Variants in SLC60A2 observed in about 807,000 individuals in gnomAD.
SLC60A2 encodes solute carrier family 60 member 2, also known as major facilitator superfamily domain containing 4B.
At chr6:111,264,831 C>T in the SLC60A2 span, among the ~76,000 whole-genome samples, 4 of 149,348 alleles carry the variant, frequency 2.7e-5, no homozygotes, top group East Asian at 3.9e-4. Flanking sequence ...GGGTGGCTTA[C>T]GCCTATAATC....
At chr6:111,277,055 G>A in the SLC60A2 span, among the ~76,000 whole-genome samples, 1 of 152,224 alleles carries the variant, frequency 6.6e-6, no homozygotes, top group East Asian at 1.9e-4. Context: ...TTCCCTTTGG[G>A]TTGATGACAT....
chr6:111,277,416 G>A, the SLC60A2 span, among the ~76,000 whole-genome samples: 1 of 152,218 alleles, frequency 6.6e-6, no homozygotes, highest in Non-Finnish European at 1.5e-5. Flanking sequence ...AGGAGTCCCA[G>A]TTTGCAAGAG....
At chr6:111,273,506 T>TG in the SLC60A2 span, among the ~76,000 whole-genome samples, 6,503 of 126,272 alleles carry the variant, frequency 0.051, 224 homozygotes, top group Non-Finnish European at 0.082. Context: ...GTTTTTTTTT[T>TG]TTTTTTTGTT....
the SLC60A2 span, chr6:111,269,996 T>C: frequency 8.2e-6 from 1 of 121,320 alleles, no homozygotes; most frequent in Non-Finnish European, 1.5e-5. Flanking sequence ...CAGGCTGTAC[T>C]GAAGCGGCCT....
At chr6:111,270,156 G>T in the SLC60A2 span, 1 of 152,146 alleles carries the variant, frequency 6.6e-6, no homozygotes, top group Non-Finnish European at 1.5e-5. Context: ...CAACATGGCA[G>T]TTTCTTCAAA....
At chr6:111,265,344 T>G in the SLC60A2 span, 1 of 985,270 alleles carries the variant, frequency 1.0e-6, no homozygotes, top group Non-Finnish European at 1.2e-6. Context: ...TAAATTCAGA[T>G]GCTAAACGGT....
the SLC60A2 span, among the ~76,000 whole-genome samples, chr6:111,261,582 CTTAAT>C: frequency 1.1e-4 from 17 of 152,082 alleles, no homozygotes; most frequent in African/African-American, 3.9e-4. Context: ...CCACACCTGA[CTTAAT>C]TTAATTAATT....
At chr6:111,268,799 C>T in the SLC60A2 span, 1 of 152,228 alleles carries the variant, frequency 6.6e-6, no homozygotes, top group African/African-American at 2.4e-5. Flanking sequence ...TCCAGGGTTT[C>T]TCTTTCCTGA....
chr6:111,263,362 T>C, the SLC60A2 span, among the ~76,000 whole-genome samples: 1 of 152,240 alleles, frequency 6.6e-6, no homozygotes, highest in Non-Finnish European at 1.5e-5. Flanking sequence ...ATCCCTCTTA[T>C]TTCCAAAGTG....
the SLC60A2 span, among the ~76,000 whole-genome samples, chr6:111,277,630 A>G: frequency 1.3e-5 from 2 of 152,258 alleles, no homozygotes; most frequent in African/African-American, 4.8e-5. Context: ...CAAAATTTCT[A>G]TCAGCGGAAG....
chr6:111,271,052 G>C, the SLC60A2 span: 2 of 150,214 alleles, frequency 1.3e-5, no homozygotes, highest in Non-Finnish European at 3.0e-5. Context: ...ACTATTTTAT[G>C]TCCCTTATCA....
At chr6:111,266,210 A>T in the SLC60A2 span, 1 of 1,613,556 alleles carries the variant, frequency 6.2e-7, no homozygotes, top group African/African-American at 1.3e-5. Context: ...AAGCAAGAGC[A>T]TCTGCTGAGA....
At chr6:111,274,714 G>C in the SLC60A2 span, among the ~76,000 whole-genome samples, 1 of 152,082 alleles carries the variant, frequency 6.6e-6, no homozygotes, top group Non-Finnish European at 1.5e-5. Context: ...ATGTTTTCAT[G>C]ATGGTGATTA....
chr6:111,265,743 G>T, the SLC60A2 span: 8 of 708,346 alleles, frequency 1.1e-5, no homozygotes, highest in Admixed American at 6.5e-5. Flanking sequence ...TAGTTGCAAT[G>T]TTTGATAATT....
the SLC60A2 span, chr6:111,262,208 CATT>C: frequency 6.7e-7 from 1 of 1,484,796 alleles, no homozygotes; most frequent in Non-Finnish European, 9.3e-7. Flanking sequence ...CATAGTTAGA[CATT>C]ATTTTAATGA....
chr6:111,265,099 C>T, the SLC60A2 span: 1 of 171,934 alleles, frequency 5.8e-6, no homozygotes, highest in Non-Finnish European at 1.2e-5. Context: ...AGAAAACCTA[C>T]TAAATAACAT....
At chr6:111,263,830 G>A in the SLC60A2 span, 1 of 1,552,892 alleles carries the variant, frequency 6.4e-7, no homozygotes, top group Non-Finnish European at 8.9e-7. Context: ...ACCTTCCCAG[G>A]AATCTCAATG....
At chr6:111,259,475 G>C in the SLC60A2 span, 1 of 473,878 alleles carries the variant, frequency 2.1e-6, no homozygotes, top group Non-Finnish European at 3.7e-6. Flanking sequence ...TGCTCTTCTC[G>C]GAGCTCCAGA....
the SLC60A2 span, among the ~76,000 whole-genome samples, chr6:111,261,363 A>C: frequency 6.6e-6 from 1 of 152,192 alleles, no homozygotes; most frequent in Non-Finnish European, 1.5e-5. Flanking sequence ...GTCAGAACTC[A>C]CTACAGTCTC....
Sources: gnomAD v4.1 joint callset for allele counts (sites outside exome capture counted in the v4.1 genomes callset) on GRCh38, gnomAD v4.1.1 for gene constraint, MANE v1.5 for transcripts, NCBI Gene and HGNC (gene_info 2026-07-23, HGNC 2026-07-21) for gene names.